Variants in CDH18 observed in about 807,000 individuals in gnomAD.
The protein encoded by CDH18 is cadherin-18.
A neutral mutation model predicts 67.9 loss-of-function variants in CDH18; 31 were observed. The ratio of observed to expected loss-of-function variants is 0.46; its 90% CI spans 0.34 to 0.62. The LOEUF (loss-of-function observed/expected upper bound fraction) is 0.62. Ranked by LOEUF, CDH18 falls within the 20% of genes least tolerant of loss-of-function variation. CDH18 has a pLI of 0.01. For synonymous variants in CDH18, 362 were observed against 347.2 expected (o/e 1.04, Z -0.48); for missense variants, 890 against 975.5 (o/e 0.91, Z 1.17).
At chr5:20,510,587 C>T (rs953320083) in intron 1 of CDH18, among the ~76,000 whole-genome samples, 3 of 152,014 alleles carry the variant, frequency 2.0e-5, no homozygotes, top group East Asian at 1.9e-4. Context: ...TAAATTATAT[C>T]TTGAAAAAAT....
chr5:19,659,657 C>T (rs768251894), intron 5 of CDH18, among the ~76,000 whole-genome samples: 118 of 152,010 alleles, frequency 7.8e-4, no homozygotes, highest in African/African-American at 2.7e-3. Context: ...CCCTTATGAG[C>T]GGGATTAGTG....
intron 5 of CDH18, among the ~76,000 whole-genome samples, chr5:19,632,924 T>C (rs1752616961): frequency 6.6e-6 from 1 of 152,146 alleles, no homozygotes; most frequent in Admixed American, 6.6e-5. Context: ...AGCTGCTGTT[T>C]TGCATCAGCT....
At chr5:19,705,953 A>C (rs898746010) in intron 5 of CDH18, among the ~76,000 whole-genome samples, 17 of 152,216 alleles carry the variant, frequency 1.1e-4, no homozygotes, top group African/African-American at 3.9e-4. Context: ...GAAGGTGCTG[A>C]AAATGTCTTC....
intron 2 of CDH18, among the ~76,000 whole-genome samples, chr5:20,236,550 T>A (rs1286755140): frequency 6.6e-6 from 1 of 151,928 alleles, no homozygotes; most frequent in Admixed American, 6.6e-5. Flanking sequence ...CAAAAAGACA[T>A]ACTACAAACA....
intron 2 of CDH18, among the ~76,000 whole-genome samples, chr5:20,247,661 G>C (rs1042041914): frequency 3.3e-5 from 5 of 151,866 alleles, no homozygotes; most frequent in Non-Finnish European, 7.4e-5. Context: ...CTACTAGGGA[G>C]GCTGAGGCAG....
intron 2 of CDH18, among the ~76,000 whole-genome samples, chr5:19,875,536 A>G (rs1182185542): frequency 6.6e-6 from 1 of 152,104 alleles, no homozygotes; most frequent in Admixed American, 6.6e-5. Context: ...ATGATGCATT[A>G]TCATTTTTAT....
intron 1 of CDH18, among the ~76,000 whole-genome samples, chr5:20,488,810 A>T (rs547609426): frequency 8.3e-4 from 126 of 151,954 alleles, no homozygotes; most frequent in Non-Finnish European, 1.6e-3. Context: ...CTAAGACCTT[A>T]GAGATAGAAA....
chr5:19,552,742 C>T (rs1442407623), intron 8 of CDH18, among the ~76,000 whole-genome samples: 1 of 152,138 alleles, frequency 6.6e-6, no homozygotes. Context: ...TATTAGCCCT[C>T]TAACTGGACA....
intron 2 of CDH18, among the ~76,000 whole-genome samples, chr5:19,883,328 G>A (rs143569882): frequency 2.3e-3 from 343 of 152,174 alleles, no homozygotes; most frequent in Non-Finnish European, 3.9e-3. Flanking sequence ...CTGTGATACC[G>A]TTAGAGTAGC....
intron 1 of CDH18, among the ~76,000 whole-genome samples, chr5:20,301,495 G>C (rs1735900304): frequency 6.6e-6 from 1 of 152,130 alleles, no homozygotes; most frequent in Non-Finnish European, 1.5e-5. Flanking sequence ...GATTGGAAAA[G>C]ACCTCCCCAT....
chr5:20,492,005 G>A (rs529225003), intron 1 of CDH18, among the ~76,000 whole-genome samples: 55 of 151,804 alleles, frequency 3.6e-4, no homozygotes, highest in African/African-American at 1.2e-3. Flanking sequence ...TATAATACAG[G>A]ATTTGTGTAT....
chr5:20,144,878 T>A (rs1005139660), intron 2 of CDH18, among the ~76,000 whole-genome samples: 1 of 152,148 alleles, frequency 6.6e-6, no homozygotes, highest in East Asian at 1.9e-4. Context: ...ATACACATAG[T>A]GAGAGCATCA....
intron 5 of CDH18, among the ~76,000 whole-genome samples, chr5:19,652,730 T>C (rs2150275248): frequency 6.6e-6 from 1 of 152,198 alleles, no homozygotes; most frequent in African/African-American, 2.4e-5. Flanking sequence ...CTGGAGGAAT[T>C]GTGGAGTACA....
At chr5:19,854,939 G>GTTT (rs368861040) in intron 2 of CDH18, among the ~76,000 whole-genome samples, 2 of 136,468 alleles carry the variant, frequency 1.5e-5, no homozygotes, top group African/African-American at 2.6e-5. Flanking sequence ...CATGAGTTCA[G>GTTT]TTTTGTTTTT....
intron 1 of CDH18, among the ~76,000 whole-genome samples, chr5:20,563,367 GCA>G (rs1758325715): frequency 6.6e-6 from 1 of 152,020 alleles, no homozygotes; most frequent in African/African-American, 2.4e-5. Context: ...GCATTTTGAA[GCA>G]CAGTTTCAAG....
At chr5:20,486,719 A>ATGTG (rs1232909444) in intron 1 of CDH18, among the ~76,000 whole-genome samples, 1 of 146,862 alleles carries the variant, frequency 6.8e-6, no homozygotes, top group South Asian at 2.2e-4. Flanking sequence ...GTGTGTGTGT[A>ATGTG]TGTGTGTGTG....
intron 2 of CDH18, among the ~76,000 whole-genome samples, chr5:19,922,612 A>G (rs904085860): frequency 3.3e-5 from 5 of 152,216 alleles, no homozygotes; most frequent in African/African-American, 7.2e-5. Flanking sequence ...GAAAAAGTGT[A>G]AAATCACTGA....
At chr5:20,332,276 A>G (rs975152307) in intron 1 of CDH18, among the ~76,000 whole-genome samples, 2 of 152,198 alleles carry the variant, frequency 1.3e-5, no homozygotes, top group South Asian at 4.1e-4. Context: ...AATTGACACA[A>G]CTTATTTCCA....
At chr5:19,912,799 A>T (rs1791296492) in intron 2 of CDH18, among the ~76,000 whole-genome samples, 1 of 152,140 alleles carries the variant, frequency 6.6e-6, no homozygotes, top group Admixed American at 6.6e-5. Flanking sequence ...CTGTGTCAAG[A>T]GTCACAATAG....
Sources: allele counts gnomAD v4.1 joint callset (sites outside exome capture counted in the v4.1 genomes callset), GRCh38; gene constraint gnomAD v4.1.1; transcripts MANE v1.5; gene names NCBI Gene and HGNC (gene_info 2026-07-23, HGNC 2026-07-21).